PRKRA: variants seen among roughly 807,000 people sequenced by gnomAD.
PRKRA encodes interferon-inducible double-stranded RNA-dependent protein kinase activator A.
Under a neutral mutation model 32.4 loss-of-function variants are expected in PRKRA, and 22 were observed. The observed-to-expected ratio is 0.68, with a 90% CI of 0.49 to 0.97. PRKRA has a LOEUF of 0.97. Ranked by LOEUF, PRKRA falls within the 50% of genes least tolerant of loss-of-function variation. The pLI is 0.00. For missense variants in PRKRA, 319 were observed against 375.6 expected, an observed-to-expected ratio of 0.85 and a Z score of 1.25; for synonymous variants, 139 against 129.8, an observed-to-expected ratio of 1.07 and a Z score of -0.48.
rs970579792 is a variant in PRKRA at position 178,450,904 on chromosome 2, C to A, written c.65+62G>T. The A allele has an allele frequency of 8.8e-5, 133 of 1,509,656 alleles. 1 individual carries two copies. Among genetic ancestry groups the A allele is most frequent in the Middle Eastern group, 6.7e-4 (3 of 4,506 alleles). The allele number at this position is 1,509,656 out of a possible 1,614,324, so 93.5% of individuals were successfully genotyped here. A position where few individuals can be genotyped will look rare whatever the true frequency, so the allele number is the denominator to read the frequency against. ...GAATGCCTCTGGAGGGCCGGCTCCC[C>A]GCGCCCCGGCCCTGCCGCCCAACGC... On this transcript the variant is annotated intron_variant, in intron 1 of 7. Transcript: ENST00000325748.
Position 178,450,997 on chromosome 2 carries a change from G to A in PRKRA, c.34C>T (p.Pro12Ser). ...SQSRHRAEAPPLEREDSGTFS... is the reference protein window; with the variant it reads ...SQSRHRAEAPSLEREDSGTFS... Reference sequence around the variant, plus strand: ...GTCCCACTGTCCTCGCGCTCCAGCGGCGGGGCCTCGGCGCGGTGCCTGCTC... The same window carrying A: ...GTCCCACTGTCCTCGCGCTCCAGCGACGGGGCCTCGGCGCGGTGCCTGCTC... The change falls in exon 1 of 8, where the codon CCG becomes TCG. Residue 12 changes from proline (P) to serine (S), a missense_variant. By Grantham distance (74) the Pro-to-Ser change is moderately conservative (BLOSUM62 -1). Coordinates refer to ENST00000325748, the MANE Select transcript of PRKRA (RefSeq NM_003690.5). 6.4e-7 allele frequency: 1 copy of A among 1,563,496 alleles called. No homozygotes were observed.
At chr2:178,441,511 C>T in intron 6 of PRKRA, 99 bp downstream of exon 6, 1 of 752,016 alleles carries the variant, frequency 1.3e-6, no homozygotes, top group Non-Finnish European at 2.0e-6. Context: ...TTCTAAAAAT[C>T]ACAACTCTGA....
At chr2:178,444,906 T>G (rs528384166) in intron 3 of PRKRA, among the ~76,000 whole-genome samples, 4 of 152,316 alleles carry the variant, frequency 2.6e-5, no homozygotes, top group African/African-American at 9.6e-5. Context: ...TACATAAGCT[T>G]TGTGGTGTTT....
At chr2:178,438,704 G>T (rs1344615418) in intron 6 of PRKRA, among the ~76,000 whole-genome samples, 61 of 149,994 alleles carry the variant, frequency 4.1e-4, no homozygotes, top group African/African-American at 1.5e-3. Context: ...TCGAGTTGGG[G>T]TCTCACTCTG....
chr2:178,443,727 A>G, intron 4 of PRKRA: 1 of 248,582 alleles, frequency 4.0e-6, no homozygotes, highest in Non-Finnish European at 8.0e-6. Flanking sequence ...ATCAGTTCCT[A>G]AAGTCCCTCC....
chr2:178,436,106 A>G (rs1008956477), intron 7 of PRKRA, 39 bp downstream of exon 7: 15 of 878,722 alleles, frequency 1.7e-5, no homozygotes, highest in Non-Finnish European at 2.4e-5. Flanking sequence ...ATTTTTAAAT[A>G]AACATGTCTT....
chr2:178,437,081 T>C (rs1181470510), intron 6 of PRKRA, among the ~76,000 whole-genome samples: 1 of 152,200 alleles, frequency 6.6e-6, no homozygotes, highest in Non-Finnish European at 1.5e-5. Context: ...TAATATTGTT[T>C]TATTAATGAG....
intron 4 of PRKRA, 146 bp from the exon 5 acceptor site, chr2:178,443,530 A>T: frequency 3.1e-6 from 2 of 636,620 alleles, no homozygotes; most frequent in Non-Finnish European, 5.6e-6. Flanking sequence ...AAGACCCTCT[A>T]TTTCTCAAAG....
chr2:178,440,350 T>A (rs527977020), intron 6 of PRKRA: 70 of 152,318 alleles, frequency 4.6e-4, no homozygotes, highest in African/African-American at 1.6e-3. Context: ...TCCCACCTAA[T>A]ACACTACTCT....
At chr2:178,449,851 G>A (rs1697480361) in intron 2 of PRKRA, among the ~76,000 whole-genome samples, 1 of 152,162 alleles carries the variant, frequency 6.6e-6, no homozygotes, top group Admixed American at 6.5e-5. Flanking sequence ...GAAAATTCTG[G>A]GGTCATGCCT....
In PRKRA at chr2:178,431,690, G is replaced by A. The variant is rs2154124394; in HGVS notation, c.*407C>T. The A allele has an allele frequency of 3.9e-6, 1 of 253,634 alleles. No individual in the cohort carries two copies. The highest frequency in any genetic ancestry group is 7.7e-6 in the Non-Finnish European group (1 of 129,246). The allele number at this position is 253,634 out of a possible 1,614,324, so 15.7% of individuals were successfully genotyped here. On this transcript the variant is annotated 3_prime_UTR_variant, in exon 8 of 8. Transcript: ENST00000325748. ...TACTTAATAAAGGCCTGTTAGTGCT[G>A]TCCCTCAAGACTCTAATTCTAAAGG...
chr2:178,440,961 A>G (rs1697089025), intron 6 of PRKRA, among the ~76,000 whole-genome samples: 1 of 152,146 alleles, frequency 6.6e-6, no homozygotes, highest in African/African-American at 2.4e-5. Flanking sequence ...ACTATGTTCT[A>G]CACACAACAA....
At chr2:178,437,247 A>G (rs1243533763) in intron 6 of PRKRA, among the ~76,000 whole-genome samples, 1 of 152,210 alleles carries the variant, frequency 6.6e-6, no homozygotes, top group East Asian at 1.9e-4. Context: ...AAAAATATAC[A>G]TGCACTAAGA....
At chr2:178,438,220 T>C (rs1696979600) in intron 6 of PRKRA, among the ~76,000 whole-genome samples, 1 of 152,246 alleles carries the variant, frequency 6.6e-6, no homozygotes, top group African/African-American at 2.4e-5. Flanking sequence ...CTCTTCCATG[T>C]TTCCTAATAT....
At chr2:178,450,691 C>G (rs1697563961) in intron 1 of PRKRA, 2 of 1,412,178 alleles carry the variant, frequency 1.4e-6, no homozygotes. Context: ...GCGCCGCAGC[C>G]TCTCAGGGAA....
chr2:178,447,732 TA>T (rs1697377002), intron 2 of PRKRA, 146 bp from the exon 3 acceptor site: 1 of 820,668 alleles, frequency 1.2e-6, no homozygotes, highest in South Asian at 1.6e-5. Flanking sequence ...ATACTGTACA[TA>T]AAAATATGTA....
chr2:178,440,733 C>A (rs1303429148), intron 6 of PRKRA, among the ~76,000 whole-genome samples: 1 of 152,186 alleles, frequency 6.6e-6, no homozygotes, highest in Non-Finnish European at 1.5e-5. Context: ...TAACAGCACT[C>A]TCGCAGGTCT....
At chr2:178,450,655 TTC>T in intron 1 of PRKRA, 1 of 1,438,794 alleles carries the variant, frequency 7.0e-7, no homozygotes, top group South Asian at 1.5e-5. Context: ...GTAGGAGAGA[TTC>T]TCAACAGAAC....
At chr2:178,444,894 C>G (rs1697258486) in intron 3 of PRKRA, among the ~76,000 whole-genome samples, 1 of 152,204 alleles carries the variant, frequency 6.6e-6, no homozygotes, top group Admixed American at 6.5e-5. Context: ...GTATCACTTA[C>G]CTACATAAGC....
Sources: gnomAD v4.1 joint callset for allele counts (sites outside exome capture counted in the v4.1 genomes callset) on GRCh38, gnomAD v4.1.1 for gene constraint, MANE v1.5 for transcripts, NCBI Gene and HGNC (gene_info 2026-07-23, HGNC 2026-07-21) for gene names.